The following FAM13A variants were observed in gnomAD, a reference collection of about 807,000 sequenced individuals.
FAM13A encodes protein FAM13A.
In FAM13A, 76 loss-of-function variants were observed where a neutral mutation model predicts 129.6. The observed-to-expected ratio is 0.59, with a 90% confidence interval of 0.49 to 0.71. The LOEUF (loss-of-function observed/expected upper bound fraction) is 0.71. Ranked by LOEUF, FAM13A falls within the 30% of genes least tolerant of loss-of-function variation. The probability of loss-of-function intolerance (pLI) is 0.00; values close to 1 mark genes in which losing one functional copy is unlikely to be tolerated. For missense variants in FAM13A, 1,108 were observed against 1,249.3 expected, an observed-to-expected ratio of 0.89 and a Z score of 1.70; for synonymous variants, 443 against 449.9, an observed-to-expected ratio of 0.98 and a Z score of 0.20.
chr4:88,913,211 C>A (rs1339563876), intron 5 of FAM13A, among the ~76,000 whole-genome samples: 1 of 70,946 alleles, frequency 1.4e-5, no homozygotes, highest in Admixed American at 1.8e-4. Flanking sequence ...GGAAGAAGAA[C>A]AGGAGGAAGA....
chr4:88,748,629 C>G (rs886212840), intron 17 of FAM13A, among the ~76,000 whole-genome samples: 12 of 150,496 alleles, frequency 8.0e-5, no homozygotes, highest in South Asian at 4.3e-4. Flanking sequence ...TCTGTGTCTA[C>G]TTGTTTGCTT....
chr4:88,897,709 A>G (rs759215395), intron 6 of FAM13A, among the ~76,000 whole-genome samples: 14 of 152,162 alleles, frequency 9.2e-5, no homozygotes, highest in East Asian at 1.9e-4. Flanking sequence ...CAGCTCACTA[A>G]GTCACCCTAG....
At chr4:88,869,134 T>C (rs192274492) in intron 6 of FAM13A, among the ~76,000 whole-genome samples, 1 of 152,318 alleles carries the variant, frequency 6.6e-6, no homozygotes, top group Admixed American at 6.5e-5. Context: ...TAAGTCTACT[T>C]TGTCTTCATC....
intron 7 of FAM13A, among the ~76,000 whole-genome samples, chr4:88,848,172 A>G (rs927304848): frequency 2.6e-5 from 4 of 152,118 alleles, no homozygotes; most frequent in Admixed American, 2.6e-4. Flanking sequence ...GCCAAGGCTA[A>G]TTCTTCTATT....
At chr4:88,945,988 G>GTATA (rs1553901158) in intron 4 of FAM13A, among the ~76,000 whole-genome samples, 20 of 13,668 alleles carry the variant, frequency 1.5e-3, no homozygotes, top group African/African-American at 6.7e-3. Context: ...GTGTGTGTGT[G>GTATA]TGTATATATA....
rs573191228 is a variant in FAM13A, at chr4:88,800,672, G to A, written c.1049+4339C>T. On this transcript the variant is annotated intron_variant, in intron 8 of 23. Transcript: ENST00000264344. ...TACACTCCAGCCCGGGCGACAGAGTGAGACTCCATCTCAGAAACAAAAACA... is the reference window on the plus strand; with the variant it reads ...TACACTCCAGCCCGGGCGACAGAGTAAGACTCCATCTCAGAAACAAAAACA... Among the ~76,000 whole-genome samples the A allele has an allele frequency of 3.6e-5, 5 of 137,720 alleles. No individual in the cohort carries two copies. In the South Asian group the frequency reaches 9.3e-4, roughly 26 times the overall value. 90.3% of individuals were successfully genotyped at this position (137,720 alleles called of 152,430 possible).
rs149809166 is a variant in FAM13A at position 88,988,168 on chromosome 4, C to CA, written c.605+2804dup. On this transcript the variant is annotated intron_variant, in intron 4 of 23. Transcript: ENST00000264344. ...ATTAAATTAAATTTTTTTCAAAAGT[C>CA]AATGTGGTTGAAAAAAAAAGTTGTG... 4.2e-3 allele frequency among the ~76,000 whole-genome samples: 631 copies of CA among 151,792 alleles called. 5 individuals carry two copies. Among genetic ancestry groups the CA allele is most frequent in the African/African-American group, 0.014 (597 of 41,364 alleles).
chr4:88,786,629 G>A (rs1363219967), intron 10 of FAM13A, among the ~76,000 whole-genome samples: 2 of 151,744 alleles, frequency 1.3e-5, no homozygotes, highest in Non-Finnish European at 2.9e-5. Context: ...TAAAAGTACT[G>A]CACATGCTAC....
chr4:88,853,849 G>A (rs2149998947), intron 6 of FAM13A, among the ~76,000 whole-genome samples: 1 of 152,332 alleles, frequency 6.6e-6, no homozygotes, highest in African/African-American at 2.4e-5. Context: ...GGACTAGACT[G>A]GCTGAGTGTT....
intron 7 of FAM13A, among the ~76,000 whole-genome samples, chr4:88,843,980 TA>T (rs1373235143): frequency 2.0e-5 from 3 of 152,188 alleles, no homozygotes; most frequent in Non-Finnish European, 4.4e-5. Context: ...ACTGACACAT[TA>T]AAAAATTATA....
chr4:89,003,350 C>T (rs535170682), intron 3 of FAM13A, among the ~76,000 whole-genome samples: 1 of 151,764 alleles, frequency 6.6e-6, no homozygotes, highest in South Asian at 2.1e-4. Flanking sequence ...GTGGCTCACA[C>T]CTGTAATCCC....
intron 7 of FAM13A, among the ~76,000 whole-genome samples, chr4:88,833,702 A>C (rs1423492733): frequency 6.6e-6 from 1 of 152,092 alleles, no homozygotes; most frequent in East Asian, 1.9e-4. Context: ...CCTGGTCAAC[A>C]TGGTGAAACC....
At chr4:88,914,411 A>G (rs1749743426) in intron 5 of FAM13A, among the ~76,000 whole-genome samples, 1 of 152,170 alleles carries the variant, frequency 6.6e-6, no homozygotes, top group South Asian at 2.1e-4. Flanking sequence ...CTAATCTCAT[A>G]GCATTTCCCC....
chr4:88,824,852 C>T (rs1396027994), intron 7 of FAM13A, among the ~76,000 whole-genome samples: 11 of 151,770 alleles, frequency 7.2e-5, no homozygotes, highest in Admixed American at 3.3e-4. Context: ...GAATTACAGG[C>T]GCCCGCCACC....
At chr4:89,025,936 T>C (rs1336987504) in intron 2 of FAM13A, among the ~76,000 whole-genome samples, 1 of 152,208 alleles carries the variant, frequency 6.6e-6, no homozygotes. Context: ...CTCCTATATT[T>C]TTAACCACAT....
intron 7 of FAM13A, chr4:88,822,924 G>C: frequency 1.9e-6 from 3 of 1,600,510 alleles, no homozygotes; most frequent in South Asian, 1.1e-5. Context: ...TATATGGCTT[G>C]ATACAACTCA....
At chr4:88,979,825 G>A (rs1305908591) in intron 4 of FAM13A, among the ~76,000 whole-genome samples, 1 of 152,082 alleles carries the variant, frequency 6.6e-6, no homozygotes, top group Non-Finnish European at 1.5e-5. Context: ...ACAAAAATTA[G>A]CCAGGTGTGG....
At chr4:89,052,760 T>C (rs1370883493) in intron 1 of FAM13A, among the ~76,000 whole-genome samples, 3 of 152,096 alleles carry the variant, frequency 2.0e-5, no homozygotes, top group Admixed American at 6.6e-5. Context: ...TTTTTAATAG[T>C]ATCGATAGGC....
chr4:88,946,309 C>T (rs933953364), intron 4 of FAM13A, among the ~76,000 whole-genome samples: 10 of 151,260 alleles, frequency 6.6e-5, no homozygotes, highest in Admixed American at 1.3e-4. Context: ...CTCCTCTGTC[C>T]GGTGTGCTCT....
Sources: gnomAD v4.1 joint callset for allele counts (sites outside exome capture counted in the v4.1 genomes callset) on GRCh38, gnomAD v4.1.1 for gene constraint, MANE v1.5 for transcripts, NCBI Gene and HGNC (gene_info 2026-07-23, HGNC 2026-07-21) for gene names.